The following NPL variants were observed in gnomAD, a reference collection of about 807,000 sequenced individuals.
The protein encoded by NPL is N-acetylneuraminate lyase.
A neutral mutation model predicts 41.1 loss-of-function variants in NPL; 32 were observed. The observed-to-expected ratio is 0.78, with a 90% CI of 0.59 to 1.05. The LOEUF (loss-of-function observed/expected upper bound fraction) is 1.05. Ranked by LOEUF, NPL falls within the 50% of genes least tolerant of loss-of-function variation. The probability of loss-of-function intolerance (pLI) is 0.00; values close to 1 mark genes in which losing one functional copy is unlikely to be tolerated. For synonymous variants in NPL, 128 were observed against 134.9 expected (o/e 0.95, Z 0.35); for missense variants, 321 against 378.4 (o/e 0.85, Z 1.26).
At chr1:182,818,470 T>A in intron 8 of NPL, 71 bp from the exon 9 acceptor site, 1 of 1,591,166 alleles carries the variant, frequency 6.3e-7, no homozygotes, top group African/African-American at 1.3e-5. Context: ...TCACTGCAGA[T>A]GCATGACACT....
At chr1:182,794,032 T>G (rs1277677080) in intron 2 of NPL, among the ~76,000 whole-genome samples, 1 of 152,214 alleles carries the variant, frequency 6.6e-6, no homozygotes, top group Admixed American at 6.5e-5. Context: ...CTGTATGTTT[T>G]ACTTACCTGA....
chr1:182,794,497 A>C, intron 3 of NPL, 58 bp downstream of exon 3: 1 of 1,537,066 alleles, frequency 6.5e-7, no homozygotes, highest in Non-Finnish European at 9.0e-7. Context: ...AAAGGAGAGA[A>C]GTTCTTTGTA....
intron 4 of NPL, among the ~76,000 whole-genome samples, chr1:182,805,352 A>AC (rs1268630403): frequency 1.3e-5 from 2 of 152,138 alleles, no homozygotes; most frequent in African/African-American, 4.8e-5. Context: ...AATCACTTGA[A>AC]CCTGGGAGGC....
intron 7 of NPL, among the ~76,000 whole-genome samples, chr1:182,815,427 A>G (rs1164156674): frequency 2.0e-5 from 3 of 152,222 alleles, no homozygotes; most frequent in Admixed American, 6.5e-5. Context: ...TTAGAAGGAT[A>G]AAAACAGACA....
chr1:182,809,315 G>C, intron 5 of NPL: 1 of 382,584 alleles, frequency 2.6e-6, no homozygotes, highest in Non-Finnish European at 5.2e-6. Flanking sequence ...AAGGTAGGCA[G>C]ATCACCTGAG....
chr1:182,826,805 T>TC (rs1419378741), intron 12 of NPL: 1 of 152,102 alleles, frequency 6.6e-6, no homozygotes. Flanking sequence ...TGTGTAGTAG[T>TC]CCCCCCTTAT....
chr1:182,829,389 C>T lies in NPL; in HGVS notation c.*481C>T. 9 of 1,360,586 alleles carry T rather than the reference C, an allele frequency of 6.6e-6. No homozygotes were observed. Among genetic ancestry groups the T allele is most frequent in the Non-Finnish European group, 8.5e-6 (9 of 1,053,646 alleles). The allele number at this position is 1,360,586 out of a possible 1,614,324, so 84.3% of individuals were successfully genotyped here. The stretch of plus-strand genomic sequence containing the variant: ...TGTAACATGTCTCAACTGTATACAA[C>T]TCAAAATACACCAGCTCATTTGGCT... On this transcript the variant is annotated 3_prime_UTR_variant, in exon 13 of 13. Coordinates refer to ENST00000367553, the MANE Select transcript of NPL (RefSeq NM_030769.3).
At position 182,806,578 on chromosome 1, in the gene NPL, C is replaced by G. The variant is rs1030374636; in HGVS notation, c.230+346C>G. On this transcript the variant is annotated intron_variant, in intron 5 of 12. Transcript: ENST00000367553. ...GGACTCTGCTGGTCACTTGGCTCTTCCACTGAGCAACTCACACCCCTTCCC... is the reference window on the plus strand; with the variant it reads ...GGACTCTGCTGGTCACTTGGCTCTTGCACTGAGCAACTCACACCCCTTCCC... 5.2e-6 allele frequency: 8 copies of G among 1,528,724 alleles called. No individual in the cohort carries two copies. The Admixed American group carries it at 1.6e-4, about 30-fold the overall frequency. 94.7% of individuals were successfully genotyped at this position (1,528,724 alleles called of 1,614,324 possible).
At chr1:182,822,246 C>G (rs1178545752) in intron 11 of NPL, 47 bp downstream of exon 11, 1 of 1,281,032 alleles carries the variant, frequency 7.8e-7, no homozygotes, top group Non-Finnish European at 1.1e-6. Flanking sequence ...TTTTTCTTCC[C>G]CACTTGAGGA....
At position 182,829,347 on chromosome 1, in the gene NPL, G is replaced by T. The variant is rs1667709591; in HGVS notation, c.*439G>T. ...ACTCTGAGCTACTGCATTTAGGCAG[G>T]CACTTTAATACCAAACTGTAACATG... is the stretch of plus-strand genomic sequence containing the variant. On this transcript the variant is annotated 3_prime_UTR_variant, in exon 13 of 13. Coordinates refer to ENST00000367553, the MANE Select transcript of NPL (RefSeq NM_030769.3). The T allele has an allele frequency of 3.2e-6, 4 of 1,238,196 alleles. No individual in the cohort carries two copies. Among genetic ancestry groups the T allele is most frequent in the African/African-American group, 1.5e-5 (1 of 64,620 alleles). 76.7% of individuals were successfully genotyped at this position (1,238,196 alleles called of 1,614,324 possible).
In NPL at chr1:182,828,033, G is replaced by A. The variant is rs1667675819; in HGVS notation, c.779-691G>A. 6.6e-6 allele frequency among the ~76,000 whole-genome samples: 1 copy of A among 152,118 alleles called. No homozygotes were observed. Among genetic ancestry groups the A allele is most frequent in the South Asian group, 2.1e-4 (1 of 4,822 alleles). Reference sequence around the variant, plus strand: ...CCATTCACCTTTGGCTCAGGCTTGAGATTTCTTTCATGAGATCTGTTTCCA... The same window carrying A: ...CCATTCACCTTTGGCTCAGGCTTGAAATTTCTTTCATGAGATCTGTTTCCA... On this transcript the variant is annotated intron_variant, in intron 12 of 12. Coordinates refer to ENST00000367553, the MANE Select transcript of NPL (RefSeq NM_030769.3). The surrounding 1 kb of genome is among the most constrained non-coding windows in gnomAD (Gnocchi z 4.0).
chr1:182,813,371 G>A (rs796684631), intron 6 of NPL, among the ~76,000 whole-genome samples: 42 of 152,190 alleles, frequency 2.8e-4, no homozygotes, highest in African/African-American at 1.0e-3. Context: ...GCAAAAAATT[G>A]CAACTTAGTG....
intron 12 of NPL, chr1:182,826,912 C>T (rs1667645948): frequency 6.6e-6 from 1 of 152,028 alleles, no homozygotes; most frequent in Non-Finnish European, 1.5e-5. Context: ...ACATGCATAC[C>T]TATGGTAAAG....
In NPL at chr1:182,829,193, A is replaced by G. The variant is rs1271928121; in HGVS notation, c.*285A>G. 7.8e-7 allele frequency: 1 copy of G among 1,290,114 alleles called. No individual in the cohort carries two copies. Among genetic ancestry groups the G allele is most frequent in the Non-Finnish European group, 9.8e-7 (1 of 1,017,424 alleles). 79.9% of individuals were successfully genotyped at this position (1,290,114 alleles called of 1,614,324 possible). ...ATCAAGAGGAAAATTGTAATTGATT[A>G]ATTCCATCTGTCTTTAGGAGCTCTC... On this transcript the variant is annotated 3_prime_UTR_variant, in exon 13 of 13. Transcript: ENST00000367553.
chr1:182,829,588 C>CT lies in NPL; in HGVS notation c.*686dup, dbSNP rs1557956426. 6.5e-7 allele frequency: 1 copy of CT among 1,547,050 alleles called. No individual in the cohort carries two copies. Among genetic ancestry groups the CT allele is most frequent in the Non-Finnish European group, 8.7e-7 (1 of 1,143,850 alleles). ...CCCCAAAGATGAATTTAAGTCTCCA[C>CT]TTTTTTCTATACAGAAAACTCAAAA... On this transcript the variant is annotated 3_prime_UTR_variant, in exon 13 of 13. Transcript: ENST00000367553.
chr1:182,828,989 A>G lies in NPL; in HGVS notation c.*81A>G. The G allele has an allele frequency of 6.2e-7, 1 of 1,600,662 alleles. No individual in the cohort carries two copies. Among genetic ancestry groups the G allele is most frequent in the Non-Finnish European group, 8.5e-7 (1 of 1,178,132 alleles). ...GCATTTTTTTCTCAGGGAATTTTAG[A>G]TGAACTTGAATAAACTCTCCTAGCA... On this transcript the variant is annotated 3_prime_UTR_variant, in exon 13 of 13. Coordinates refer to ENST00000367553, the MANE Select transcript of NPL (RefSeq NM_030769.3). This position sits in a 1 kb window ranked among gnomAD's most constrained non-coding sequence, Gnocchi z 4.0.
Position 182,828,822 on chromosome 1 carries a change from A to G in NPL, c.877A>G (p.Thr293Ala). The G allele has an allele frequency of 1.2e-6, 2 of 1,614,196 alleles. No individual in the cohort carries two copies. The highest frequency in any genetic ancestry group is 2.2e-5 in the East Asian group (1 of 44,878). ...LPLQKASREF[T>A]DSAEAKLKSL... ...ACTGCAGAAAGCCTCCAGGGAGTTT[A>G]CTGATAGTGCTGAAGCTAAACTGAA... is the stretch of plus-strand genomic sequence containing the variant. The change falls in exon 13 of 13, where the codon ACT becomes GCT. Residue 293 changes from threonine (T) to alanine (A), a missense_variant. Thr to Ala is a moderately conservative substitution (Grantham distance 58). Coordinates refer to ENST00000367553, the MANE Select transcript of NPL (RefSeq NM_030769.3). This position sits in a 1 kb window ranked among gnomAD's most constrained non-coding sequence, Gnocchi z 4.0.
At chr1:182,806,598 C>A in intron 5 of NPL, 2 of 1,501,194 alleles carry the variant, frequency 1.3e-6, no homozygotes, top group Non-Finnish European at 1.8e-6. Context: ...ACTCACACCC[C>A]TTCCCTTCTT....
At chr1:182,800,435 CAAAAAAAAAA>C (rs1053733197) in intron 3 of NPL, among the ~76,000 whole-genome samples, 1 of 51,566 alleles carries the variant, frequency 1.9e-5, no homozygotes, top group Non-Finnish European at 4.9e-5. Flanking sequence ...GACCCTGTCT[CAAAAAAAAAA>C]AAAAAAAAAA....
Sources: allele counts gnomAD v4.1 joint callset (sites outside exome capture counted in the v4.1 genomes callset), GRCh38; gene constraint gnomAD v4.1.1; non-coding constraint Gnocchi (gnomAD v3.1); transcripts MANE v1.5; gene names NCBI Gene and HGNC (gene_info 2026-07-23, HGNC 2026-07-21).